The following ADAM17 variants were observed in gnomAD, a reference collection of about 807,000 sequenced individuals.
ADAM17 encodes ADAM metallopeptidase domain 17.
A neutral mutation model predicts 96.7 loss-of-function variants in ADAM17; 39 were observed. That is an observed-to-expected ratio of 0.40 (90% confidence interval 0.31 to 0.53). The LOEUF (loss-of-function observed/expected upper bound fraction) is 0.53. ADAM17 is among the 20% of genes least tolerant of loss of function. The pLI is 0.44. For synonymous variants in ADAM17, 344 were observed against 359.2 expected (o/e 0.96, Z 0.48); for missense variants, 777 against 1,013.2 (o/e 0.77, Z 3.17).
chr2:9,539,274 A>C (rs1221112155), intron 2 of ADAM17, among the ~76,000 whole-genome samples: 1 of 151,776 alleles, frequency 6.6e-6, no homozygotes, highest in African/African-American at 2.4e-5. Flanking sequence ...CGCCTGGCTA[A>C]TTTTTTGTAT....
chr2:9,541,290 C>T (rs1391546091), intron 2 of ADAM17, among the ~76,000 whole-genome samples: 6 of 152,126 alleles, frequency 3.9e-5, no homozygotes, highest in African/African-American at 1.2e-4. Context: ...GGGTCGGGCA[C>T]GGTGGCTCAC....
At chr2:9,523,713 A>G (rs1007345020) in intron 6 of ADAM17, among the ~76,000 whole-genome samples, 1 of 152,156 alleles carries the variant, frequency 6.6e-6, no homozygotes, top group Admixed American at 6.6e-5. Context: ...ACAGATTTGA[A>G]CTTCAAGTGT....
chr2:9,528,197 C>G (rs1558517481), intron 4 of ADAM17, among the ~76,000 whole-genome samples: 1 of 152,166 alleles, frequency 6.6e-6, no homozygotes. Context: ...GCCTTACATA[C>G]TTTGCACGTT....
At chr2:9,535,966 A>G (rs554378175) in intron 3 of ADAM17, 44 bp from the exon 4 acceptor site, 1 of 1,310,562 alleles carries the variant, frequency 7.6e-7, no homozygotes, top group African/African-American at 1.5e-5. Context: ...ACTTACATCA[A>G]ATAAGAAACT....
chr2:9,546,109 A>G (rs528898552), intron 1 of ADAM17, among the ~76,000 whole-genome samples: 46 of 152,070 alleles, frequency 3.0e-4, no homozygotes, highest in Non-Finnish European at 2.1e-4. Flanking sequence ...AAAAAAAAAA[A>G]AAAGAAAGAA....
intron 10 of ADAM17, among the ~76,000 whole-genome samples, chr2:9,515,958 G>T (rs960322782): frequency 6.6e-6 from 1 of 152,020 alleles, no homozygotes; most frequent in African/African-American, 2.4e-5. Context: ...ATAGAAATAG[G>T]ATCTCACTAA....
intron 2 of ADAM17, among the ~76,000 whole-genome samples, chr2:9,539,978 G>A (rs1269551231): frequency 6.6e-6 from 1 of 152,044 alleles, no homozygotes; most frequent in Non-Finnish European, 1.5e-5. Context: ...TATTTAGTAT[G>A]GAAACTTTGT....
At chr2:9,522,402 T>C (rs779045590) in intron 7 of ADAM17, 13 of 577,610 alleles carry the variant, frequency 2.3e-5, no homozygotes, top group Middle Eastern at 2.5e-4. Context: ...TTTCACTGGC[T>C]TTTGTACTGT....
intron 17 of ADAM17, 26 bp from the exon 18 acceptor site, chr2:9,491,177 T>C: frequency 6.2e-7 from 1 of 1,602,122 alleles, no homozygotes; most frequent in Non-Finnish European, 8.5e-7. Context: ...AAGAAGGTCA[T>C]TCCCTACAAA....
intron 1 of ADAM17, among the ~76,000 whole-genome samples, chr2:9,545,243 T>C (rs1665361800): frequency 6.6e-6 from 1 of 152,064 alleles, no homozygotes; most frequent in Non-Finnish European, 1.5e-5. Flanking sequence ...TTAACAAGGC[T>C]TCCAGGCAAG....
intron 1 of ADAM17, among the ~76,000 whole-genome samples, chr2:9,549,279 G>A (rs1045444068): frequency 1.3e-5 from 2 of 152,264 alleles, no homozygotes; most frequent in East Asian, 3.9e-4. Flanking sequence ...CCTGAGGCAG[G>A]AGAATCGCTT....
chr2:9,489,910 T>C lies in ADAM17; in HGVS notation c.*267A>G, dbSNP rs1269725442. 2.7e-6 allele frequency: 1 copy of C among 376,702 alleles called. No homozygotes were observed. Among genetic ancestry groups the C allele is most frequent in the African/African-American group, 2.0e-5 (1 of 49,990 alleles). 23.3% of individuals were successfully genotyped at this position (376,702 alleles called of 1,614,324 possible). Reference sequence around the variant, plus strand: ...TATTCATAACCCAATCCAGCTGTATTTTCTGCTTTTGCACCACAGGTCAAA... The same window carrying C: ...TATTCATAACCCAATCCAGCTGTATCTTCTGCTTTTGCACCACAGGTCAAA... On this transcript the variant is annotated 3_prime_UTR_variant, in exon 19 of 19. Transcript: ENST00000310823.
At position 9,505,151 on chromosome 2, in the gene ADAM17, G is replaced by A. The variant is rs549487601; in HGVS notation, c.1544+15C>T. ...TATACCAACTTCCCAAAATCCCTGT[G>A]GAGAGACTCCTCACCTGCACTGGAC... On this transcript the variant is annotated intron_variant, in intron 12 of 18. Transcript: ENST00000310823. 2.1e-4 allele frequency: 331 copies of A among 1,613,940 alleles called. 3 individuals are homozygous for A. The South Asian group carries it at 3.5e-3, about 17-fold the overall frequency.
Position 9,543,173 on chromosome 2 carries a change from T to C in ADAM17, c.210A>G (p.Leu70=), listed in dbSNP as rs1665282764. 6.3e-7 allele frequency: 1 copy of C among 1,596,244 alleles called. No individual in the cohort carries two copies. Among genetic ancestry groups the C allele is most frequent in the South Asian group, 1.1e-5 (1 of 87,416 alleles). ...LQTSTHVETL[L]TFSALKRHFK... is the part of the protein sequence containing the mutation. ...ATTACCTTTTCAAAGCTGAAAAAGT[T>C]AGTAGTGTTTCTACATGTGTTGAAG... The change falls in exon 2 of 19, where the codon CTA becomes CTG. Residue 70 remains leucine (L), a synonymous_variant. Coordinates refer to ENST00000310823, the MANE Select transcript of ADAM17 (RefSeq NM_003183.6).
intron 4 of ADAM17, among the ~76,000 whole-genome samples, chr2:9,531,558 C>T (rs181918708): frequency 1.3e-3 from 194 of 152,114 alleles, no homozygotes; most frequent in South Asian, 2.9e-3. Context: ...AAAAACTAGC[C>T]GGGCACAGTG....
chr2:9,493,387 C>T (rs2124961821), intron 16 of ADAM17, among the ~76,000 whole-genome samples: 1 of 152,296 alleles, frequency 6.6e-6, no homozygotes, highest in South Asian at 2.1e-4. Flanking sequence ...CTCACTTTTA[C>T]ATCAAGCAGG....
intron 8 of ADAM17, among the ~76,000 whole-genome samples, chr2:9,520,425 AT>A (rs1283339364): frequency 6.6e-6 from 1 of 152,196 alleles, no homozygotes; most frequent in Non-Finnish European, 1.5e-5. Flanking sequence ...AAACACAAAA[AT>A]TTTAAATTCC....
At chr2:9,528,498 TGTTTCAGCGAACGCA>T (rs1466736086) in intron 4 of ADAM17, among the ~76,000 whole-genome samples, 1 of 152,240 alleles carries the variant, frequency 6.6e-6, no homozygotes, top group Non-Finnish European at 1.5e-5. Context: ...CCTTATTACT[TGTTTCAGCGAACGCA>T]GTTTTTAAAC....
intron 10 of ADAM17, among the ~76,000 whole-genome samples, chr2:9,514,233 T>C (rs1663905811): frequency 6.6e-6 from 1 of 150,746 alleles, no homozygotes; most frequent in African/African-American, 2.4e-5. Flanking sequence ...CTGGAAACCA[T>C]CATTCTCAGC....
Sources: gnomAD v4.1 joint callset for allele counts (sites outside exome capture counted in the v4.1 genomes callset) on GRCh38, gnomAD v4.1.1 for gene constraint, MANE v1.5 for transcripts, NCBI Gene and HGNC (gene_info 2026-07-23, HGNC 2026-07-21) for gene names.